Variants in DNAH12 observed in about 807,000 individuals in gnomAD.
The protein encoded by DNAH12 is dynein axonemal heavy chain 12.
In DNAH12, 285 loss-of-function variants were observed where a neutral mutation model predicts 371.5. The ratio of observed to expected loss-of-function variants is 0.77; its 90% CI spans 0.70 to 0.85. The LOEUF (loss-of-function observed/expected upper bound fraction) is 0.85. DNAH12 is among the 40% of genes least tolerant of loss of function. The pLI, the probability that DNAH12 is intolerant of heterozygous loss-of-function variation, is 0.00. For synonymous variants in DNAH12, 1,200 were observed against 1,213.0 expected (o/e 0.99, Z 0.22); for missense variants, 3,611 against 3,689.4 (o/e 0.98, Z 0.55).
chr3:57,462,550 C>A (rs2066085195), intron 18 of DNAH12, 140 bp downstream of exon 18: 3 of 972,206 alleles, frequency 3.1e-6, no homozygotes, highest in South Asian at 4.1e-5. Context: ...CCGCACCCAG[C>A]CGGAGAGTGG....
intron 62 of DNAH12, among the ~76,000 whole-genome samples, chr3:57,326,773 T>A (rs1553650309): frequency 6.6e-6 from 1 of 152,084 alleles, no homozygotes; most frequent in Non-Finnish European, 1.5e-5. Flanking sequence ...GCAAATTGGA[T>A]AAAGAGTCAA....
chr3:57,463,329 A>G (rs1331040651), intron 17 of DNAH12, among the ~76,000 whole-genome samples: 2 of 151,956 alleles, frequency 1.3e-5, no homozygotes, highest in African/African-American at 4.8e-5. Flanking sequence ...TATATATACT[A>G]TTTGCAGAAA....
chr3:57,428,204 T>A, intron 34 of DNAH12: 1 of 456,636 alleles, frequency 2.2e-6, no homozygotes, highest in Non-Finnish European at 3.7e-6. Context: ...GTGCTGGGAT[T>A]ATAGGAGTGA....
intron 62 of DNAH12, among the ~76,000 whole-genome samples, chr3:57,330,465 A>G (rs1432571325): frequency 1.3e-5 from 2 of 151,532 alleles, no homozygotes; most frequent in Non-Finnish European, 2.9e-5. Flanking sequence ...TTGCAAGGAC[A>G]AAAAACCAAA....
intron 34 of DNAH12, among the ~76,000 whole-genome samples, chr3:57,425,612 G>A (rs1248404847): frequency 6.6e-6 from 1 of 152,074 alleles, no homozygotes; most frequent in African/African-American, 2.4e-5. Context: ...CTTTAAGTAG[G>A]CATGATAAAA....
chr3:57,399,618 A>G (rs2063815451), intron 43 of DNAH12, among the ~76,000 whole-genome samples: 1 of 152,236 alleles, frequency 6.6e-6, no homozygotes, highest in Non-Finnish European at 1.5e-5. Context: ...AGATATAACA[A>G]TTACAGTTGA....
At chr3:57,420,698 A>C (rs2064544419) in intron 36 of DNAH12, among the ~76,000 whole-genome samples, 1 of 152,020 alleles carries the variant, frequency 6.6e-6, no homozygotes, top group African/African-American at 2.4e-5. Flanking sequence ...TCACGAGGTC[A>C]GGAGACTGAG....
intron 29 of DNAH12, among the ~76,000 whole-genome samples, chr3:57,441,383 CAA>C (rs1025016423): frequency 3.7e-4 from 56 of 151,076 alleles, no homozygotes; most frequent in African/African-American, 1.2e-3. Context: ...TAATGAAAAA[CAA>C]AAGAGAAAAA....
At chr3:57,532,862 G>T (rs756628646) in intron 2 of DNAH12, among the ~76,000 whole-genome samples, 1 of 152,166 alleles carries the variant, frequency 6.6e-6, no homozygotes, top group Non-Finnish European at 1.5e-5. Context: ...ACTCAAAGCC[G>T]TAGGTCTCTA....
chr3:57,334,755 G>C, intron 61 of DNAH12, 27 bp downstream of exon 61: 5 of 1,532,340 alleles, frequency 3.3e-6, no homozygotes, highest in Middle Eastern at 1.7e-4. Context: ...GCCATTCAAT[G>C]ATAAATCATC....
chr3:57,495,287 G>A (rs900754912), intron 11 of DNAH12, among the ~76,000 whole-genome samples: 5 of 152,020 alleles, frequency 3.3e-5, no homozygotes, highest in Non-Finnish European at 7.4e-5. Context: ...GGCCAGGCAC[G>A]GTGGCTCACG....
At chr3:57,365,718 ATC>A (rs1168216638) in intron 57 of DNAH12, among the ~76,000 whole-genome samples, 19 of 152,020 alleles carry the variant, frequency 1.2e-4, no homozygotes, top group African/African-American at 3.9e-4. Context: ...TTCCTTTCCA[ATC>A]TTTTTTTATT....
Position 57,508,465 on chromosome 3 carries a change from A to T in DNAH12, c.618T>A (p.Ile206=). 6.2e-7 allele frequency: 1 copy of T among 1,613,528 alleles called. No individual in the cohort carries two copies. The highest frequency in any genetic ancestry group is 8.5e-7 in the Non-Finnish European group (1 of 1,179,850). The change falls in exon 7 of 74, where the codon ATT becomes ATA. Residue 206 remains isoleucine (I), a synonymous_variant. Coordinates refer to ENST00000495027, the MANE Select transcript of DNAH12 (RefSeq NM_001366028.2). ...GTAACATTTTCATAGTTGGATGAAT[A>T]ATGTGCAAATTAGAGAATATTTGAT... ...ARNQIFSNLH[I]IHPTMKMLLD... is the part of the protein sequence containing the mutation.
intron 13 of DNAH12, among the ~76,000 whole-genome samples, chr3:57,477,219 C>T (rs561344415): frequency 7.2e-5 from 11 of 152,278 alleles, no homozygotes; most frequent in African/African-American, 2.4e-4. Flanking sequence ...TCAGGTCACT[C>T]GCACCCTAAT....
rs931213760 is a variant in DNAH12, at chr3:57,519,584, G to T, written c.279+3999C>A. On this transcript the variant is annotated intron_variant, in intron 4 of 73. Transcript: ENST00000495027. ...CTCCTATTTGAAGAAGTAATCCCCTGGAGTGTTCTAGCCTTTGAAGGGCAC... is the reference window on the plus strand; with the variant it reads ...CTCCTATTTGAAGAAGTAATCCCCTTGAGTGTTCTAGCCTTTGAAGGGCAC... 9 of 765,442 alleles carry T rather than the reference G, an allele frequency of 1.2e-5. No homozygotes were observed. In the South Asian group the frequency reaches 1.3e-4, roughly 11 times the overall value. The allele number at this position is 765,442 out of a possible 1,614,324, so 47.4% of individuals were successfully genotyped here.
At chr3:57,405,312 A>G (rs907622849) in intron 41 of DNAH12, among the ~76,000 whole-genome samples, 165 bp from the exon 42 acceptor site, 5 of 152,338 alleles carry the variant, frequency 3.3e-5, no homozygotes, top group Non-Finnish European at 2.9e-5. Flanking sequence ...TATCCTTAGG[A>G]TATAAAAAGA....
In DNAH12 at chr3:57,472,614, A is replaced by T; in HGVS notation, c.1708T>A (p.Leu570Ile). Residue 570 changes from leucine (L) to isoleucine (I), a missense_variant, in exon 14 of 74, where the codon TTA becomes ATA. Coordinates refer to ENST00000495027, the MANE Select transcript of DNAH12 (RefSeq NM_001366028.2). ...ATGAGGACAGTTGCATTTAAAGCTA[A>T]GTCTTCTTGAGGAAATAGGAAAACA... is the stretch of plus-strand genomic sequence containing the variant. ...LDVFLFPQED[L>I]ALNATVLMWP... 6.4e-7 allele frequency: 1 copy of T among 1,551,184 alleles called. No homozygotes were observed. The highest frequency in any genetic ancestry group is 2.0e-5 in the Admixed American group (1 of 50,988).
At chr3:57,458,256 A>T (rs1162430772) in intron 20 of DNAH12, 36 bp from the exon 21 acceptor site, 10 of 1,517,520 alleles carry the variant, frequency 6.6e-6, no homozygotes, top group Non-Finnish European at 8.8e-6. Flanking sequence ...CAGCACTTTT[A>T]TGCCAGATAT....
At chr3:57,373,420 A>G (rs1460566048) in intron 55 of DNAH12, among the ~76,000 whole-genome samples, 1 of 150,748 alleles carries the variant, frequency 6.6e-6, no homozygotes, top group East Asian at 1.9e-4. Flanking sequence ...GGTTCAAGTG[A>G]TTCTCCTGCC....
Sources: gnomAD v4.1 joint callset for allele counts (sites outside exome capture counted in the v4.1 genomes callset) on GRCh38, gnomAD v4.1.1 for gene constraint, MANE v1.5 for transcripts, NCBI Gene and HGNC (gene_info 2026-07-23, HGNC 2026-07-21) for gene names.